The following ELOVL6 variants were observed in gnomAD, a reference collection of about 807,000 sequenced individuals.
The protein encoded by ELOVL6 is very long chain fatty acid elongase 6.
Under a neutral mutation model 31.7 loss-of-function variants are expected in ELOVL6, and 8 were observed. The observed-to-expected ratio is 0.25, with a 90% CI of 0.15 to 0.45. ELOVL6 has a LOEUF of 0.45. ELOVL6 is among the 20% of genes least tolerant of loss of function. The pLI is 1.00. For synonymous variants in ELOVL6, 101 were observed against 117.7 expected, an observed-to-expected ratio of 0.86 and a Z score of 0.92; for missense variants, 126 against 326.4, an observed-to-expected ratio of 0.39 and a Z score of 4.73.
intron 1 of ELOVL6, among the ~76,000 whole-genome samples, chr4:110,128,171 G>T (rs553438488): frequency 6.6e-6 from 1 of 152,294 alleles, no homozygotes; most frequent in Admixed American, 6.5e-5. Flanking sequence ...GGCAAAGAAA[G>T]TGAGAGGGAA....
At chr4:110,070,665 T>A (rs1033757355) in intron 2 of ELOVL6, among the ~76,000 whole-genome samples, 3 of 152,174 alleles carry the variant, frequency 2.0e-5, no homozygotes, top group South Asian at 4.1e-4. Context: ...AGGGGTGGAC[T>A]TCCCCCTTGC....
chr4:110,062,979 C>T (rs1022162435), intron 2 of ELOVL6, among the ~76,000 whole-genome samples: 6 of 152,282 alleles, frequency 3.9e-5, no homozygotes, highest in Admixed American at 1.3e-4. Context: ...CTCTGATACA[C>T]AGGTGCTCAA....
At chr4:110,180,659 G>T (rs1323177692) in intron 1 of ELOVL6, among the ~76,000 whole-genome samples, 2 of 152,154 alleles carry the variant, frequency 1.3e-5, no homozygotes. Flanking sequence ...TGGCCTCACG[G>T]CCTCAGCCTC....
At chr4:110,158,657 A>ATATATATATTTTTTTTT in intron 1 of ELOVL6, among the ~76,000 whole-genome samples, 2 of 74,162 alleles carry the variant, frequency 2.7e-5, no homozygotes, top group Non-Finnish European at 4.6e-5. Context: ...ATATATATAT[A>ATATATATATTTTTTTTT]TTTTTTTTTT....
At chr4:110,137,726 A>G (rs937451177) in intron 1 of ELOVL6, among the ~76,000 whole-genome samples, 8 of 152,216 alleles carry the variant, frequency 5.3e-5, no homozygotes, top group African/African-American at 1.9e-4. Context: ...CTAACATTAC[A>G]TAAATTCCTC....
Position 110,046,613 on chromosome 4 carries a change from T to C in ELOVL6, c.*4725A>G, listed in dbSNP as rs1754703662. On this transcript the variant is annotated 3_prime_UTR_variant, in exon 4 of 4. Transcript: ENST00000302274. The stretch of plus-strand genomic sequence containing the variant: ...AAAGTAACTTGATTCAACAGGTTTG[T>C]GTATGTTCTTCAAAGCTCTGTGCAT... The C allele has an allele frequency of 6.6e-6, 1 of 152,252 alleles. No individual in the cohort carries two copies. The highest frequency in any genetic ancestry group is 2.1e-4 in the South Asian group (1 of 4,828). The allele number at this position is 152,252 out of a possible 1,614,324, so 9.4% of individuals were successfully genotyped here. A position where few individuals can be genotyped will look rare whatever the true frequency, so the allele number is the denominator to read the frequency against.
intron 2 of ELOVL6, among the ~76,000 whole-genome samples, chr4:110,087,135 T>C (rs941456947): frequency 6.6e-6 from 1 of 152,134 alleles, no homozygotes; most frequent in African/African-American, 2.4e-5. Context: ...TTTAGAACAA[T>C]ATAAATTTCC....
chr4:110,172,221 T>C (rs1758970318), intron 1 of ELOVL6, among the ~76,000 whole-genome samples: 1 of 152,108 alleles, frequency 6.6e-6, no homozygotes, highest in Non-Finnish European at 1.5e-5. Flanking sequence ...GTGTCAAAAT[T>C]GAACTGGAGG....
At chr4:110,189,688 G>C (rs898029468) in intron 1 of ELOVL6, among the ~76,000 whole-genome samples, 11 of 151,392 alleles carry the variant, frequency 7.3e-5, no homozygotes, top group African/African-American at 2.7e-4. Context: ...GGATTATAGG[G>C]CTTGGCGCAG....
At chr4:110,070,704 C>T (rs759885332) in intron 2 of ELOVL6, among the ~76,000 whole-genome samples, 17 of 152,220 alleles carry the variant, frequency 1.1e-4, no homozygotes, top group South Asian at 2.1e-4. Flanking sequence ...TGAGTCCTCA[C>T]GAGATCTGGT....
chr4:110,122,833 T>C (rs1038849155), intron 1 of ELOVL6, among the ~76,000 whole-genome samples: 5 of 152,226 alleles, frequency 3.3e-5, no homozygotes, highest in African/African-American at 9.6e-5. Context: ...CACATGCTGT[T>C]CTCAGTACGT....
At chr4:110,155,728 G>A (rs1253285634) in intron 1 of ELOVL6, among the ~76,000 whole-genome samples, 3 of 152,006 alleles carry the variant, frequency 2.0e-5, no homozygotes, top group African/African-American at 7.2e-5. Flanking sequence ...TTGCTAGAGA[G>A]CTTGGGGGCA....
At chr4:110,191,305 A>G (rs566091415) in intron 1 of ELOVL6, among the ~76,000 whole-genome samples, 6 of 152,370 alleles carry the variant, frequency 3.9e-5, no homozygotes, top group Admixed American at 3.9e-4. Context: ...GAGTTTTAAC[A>G]TTACAATATA....
chr4:110,081,402 C>T (rs1242770419), intron 2 of ELOVL6, among the ~76,000 whole-genome samples: 1 of 152,130 alleles, frequency 6.6e-6, no homozygotes, highest in Non-Finnish European at 1.5e-5. Flanking sequence ...GAGATATAGA[C>T]CAATGGAACA....
chr4:110,114,041 G>GAGAC (rs1409449682), intron 1 of ELOVL6, among the ~76,000 whole-genome samples: 1 of 152,092 alleles, frequency 6.6e-6, no homozygotes, highest in Non-Finnish European at 1.5e-5. Context: ...CCTTGAGCTC[G>GAGAC]AGACATCGAA....
chr4:110,096,470 T>C (rs1283608630), intron 2 of ELOVL6, among the ~76,000 whole-genome samples: 5 of 152,194 alleles, frequency 3.3e-5, no homozygotes, highest in East Asian at 1.9e-4. Flanking sequence ...ACAAAGAGAA[T>C]GTTAATGAAG....
chr4:110,101,959 G>C (rs1306272708), intron 2 of ELOVL6, among the ~76,000 whole-genome samples: 1 of 152,130 alleles, frequency 6.6e-6, no homozygotes, highest in Admixed American at 6.5e-5. Context: ...CCCCCAAAAA[G>C]TAAAAAATTG....
rs973692266 is a variant in ELOVL6 at position 110,047,082 on chromosome 4, C to T, written c.*4256G>A. On this transcript the variant is annotated 3_prime_UTR_variant, in exon 4 of 4. Transcript: ENST00000302274. The stretch of plus-strand genomic sequence containing the variant: ...AGAGCAAGGTATTTATTATCGAAAA[C>T]AGAGACTGGAGAAAGACACTACATT... 2.0e-5 allele frequency: 3 copies of T among 152,174 alleles called. No individual in the cohort carries two copies. Among genetic ancestry groups the T allele is most frequent in the African/African-American group, 7.2e-5 (3 of 41,448 alleles). The allele number at this position is 152,174 out of a possible 1,614,324, so 9.4% of individuals were successfully genotyped here.
intron 1 of ELOVL6, among the ~76,000 whole-genome samples, chr4:110,173,487 T>C (rs1759012221): frequency 1.3e-5 from 2 of 151,572 alleles, no homozygotes; most frequent in South Asian, 4.2e-4. Flanking sequence ...ATTCTAGTTC[T>C]GCAAAAGGCC....
Sources: gnomAD v4.1 joint callset for allele counts (sites outside exome capture counted in the v4.1 genomes callset) on GRCh38, gnomAD v4.1.1 for gene constraint, MANE v1.5 for transcripts, NCBI Gene and HGNC (gene_info 2026-07-23, HGNC 2026-07-21) for gene names.